SIAE: variants seen among roughly 807,000 people sequenced by gnomAD.
SIAE encodes the protein sialic acid acetylesterase.
In SIAE, 39 loss-of-function variants were observed where a neutral mutation model predicts 52.6. The observed-to-expected ratio is 0.74, with a 90% CI of 0.57 to 0.97. SIAE has a LOEUF of 0.97. Ranked by LOEUF, SIAE falls within the 50% of genes least tolerant of loss-of-function variation. The probability of loss-of-function intolerance (pLI) is 0.00; values close to 1 mark genes in which losing one functional copy is unlikely to be tolerated. For synonymous variants in SIAE, 233 were observed against 241.4 expected (o/e 0.97, Z 0.32); for missense variants, 592 against 662.1 (o/e 0.89, Z 1.16).
chr11:124,644,351 G>GAAAAAAAAAAAAAAAAAAAAAAAAAA (rs766691334), intron 7 of SIAE, among the ~76,000 whole-genome samples: 4 of 98,974 alleles, frequency 4.0e-5, no homozygotes, highest in Admixed American at 2.3e-4. Flanking sequence ...AGTCTGTGGT[G>GAAAAAAAAAAAAAAAAAAAAAAAAAA]AGAAAAAAAA....
In SIAE at chr11:124,660,697, A is replaced by C; in HGVS notation, c.336T>G (p.Val112=). ...AGACATCTCCAAACAGGACGTCATG[A>C]ACTCTCAGGGTGAAGTTTATTTTCT... ...TLEKINFTLR[V]HDVLFGDVWL... is the part of the protein sequence containing the mutation. Residue 112 remains valine (V), a synonymous_variant, in exon 3 of 10, where the codon GTT becomes GTG. Coordinates refer to ENST00000263593, the MANE Select transcript of SIAE (RefSeq NM_170601.5). 6.2e-7 allele frequency: 1 copy of C among 1,614,208 alleles called. No homozygotes were observed. The highest frequency in any genetic ancestry group is 1.3e-5 in the African/African-American group (1 of 75,060).
chr11:124,660,831 T>A (rs760001789), intron 2 of SIAE, 28 bp from the exon 3 acceptor site: 1 of 1,612,224 alleles, frequency 6.2e-7, no homozygotes, highest in Admixed American at 1.7e-5. Flanking sequence ...CTCCAAGGAA[T>A]TAATCAATCA....
chr11:124,638,877 GC>G, intron 8 of SIAE, 140 bp from the exon 9 acceptor site: 1 of 695,390 alleles, frequency 1.4e-6, no homozygotes, highest in Non-Finnish European at 2.5e-6. Flanking sequence ...TGGCTAGTCA[GC>G]TCAAGGGAAA....
At chr11:124,638,312 A>C (rs781387456) in intron 9 of SIAE, among the ~76,000 whole-genome samples, 8 of 152,248 alleles carry the variant, frequency 5.3e-5, no homozygotes, top group Non-Finnish European at 8.8e-5. Context: ...AAAATTTTTT[A>C]AAGTCCATTT....
At position 124,651,722 on chromosome 11, in the gene SIAE, C is replaced by T. The variant is rs182211072; in HGVS notation, c.545-1926G>A. Reference sequence around the variant, plus strand: ...CTCCCCGCCCCGCACCGTGCTTCCACGACACTCTGTGCATCGCTCCATCAC... The same window carrying T: ...CTCCCCGCCCCGCACCGTGCTTCCATGACACTCTGTGCATCGCTCCATCAC... On this transcript the variant is annotated intron_variant, in intron 4 of 9. Transcript: ENST00000263593. Among the ~76,000 whole-genome samples the T allele has an allele frequency of 2.6e-4, 39 of 152,356 alleles. 1 individual carries two copies. In the East Asian group the frequency reaches 3.5e-3, roughly 14 times the overall value.
At chr11:124,654,969 G>A (rs1167433424) in intron 3 of SIAE, among the ~76,000 whole-genome samples, 176 bp from the exon 4 acceptor site, 1 of 152,046 alleles carries the variant, frequency 6.6e-6, no homozygotes, top group Non-Finnish European at 1.5e-5. Context: ...AAAGAGACCA[G>A]GATGAATCAT....
At chr11:124,651,409 G>A (rs1943014250) in intron 4 of SIAE, among the ~76,000 whole-genome samples, 1 of 152,122 alleles carries the variant, frequency 6.6e-6, no homozygotes. Context: ...TTAGCTGGGT[G>A]TGGTGGCGCA....
intron 1 of SIAE, among the ~76,000 whole-genome samples, chr11:124,669,877 C>T (rs559553133): frequency 6.8e-4 from 103 of 152,284 alleles, no homozygotes; most frequent in African/African-American, 2.3e-3. Context: ...ATGCTCCTTT[C>T]ATGCACCTAT....
Position 124,636,066 on chromosome 11 carries a change from A to C in SIAE, c.*885T>G, listed in dbSNP as rs1315161524. 6.6e-6 allele frequency: 1 copy of C among 152,148 alleles called. No individual in the cohort carries two copies. Among genetic ancestry groups the C allele is most frequent in the Admixed American group, 6.5e-5 (1 of 15,272 alleles). 9.4% of individuals were successfully genotyped at this position (152,148 alleles called of 1,614,324 possible). A position where few individuals can be genotyped will look rare whatever the true frequency, so the allele number is the denominator to read the frequency against. On this transcript the variant is annotated 3_prime_UTR_variant, in exon 10 of 10. Coordinates refer to ENST00000263593, the MANE Select transcript of SIAE (RefSeq NM_170601.5). ...GAGATTTATATTTAACTCGAACAAC[A>C]GTTTGCCTCTGTTGCCCCTGTGTTC...
At chr11:124,641,625 C>T (rs1037297195) in intron 7 of SIAE, among the ~76,000 whole-genome samples, 11 of 152,090 alleles carry the variant, frequency 7.2e-5, no homozygotes, top group Non-Finnish European at 1.6e-4. Flanking sequence ...AGGACCATTT[C>T]AAAAGATTGT....
At chr11:124,656,097 G>A (rs529374784) in intron 3 of SIAE, among the ~76,000 whole-genome samples, 51 of 152,002 alleles carry the variant, frequency 3.4e-4, no homozygotes, top group African/African-American at 1.1e-3. Flanking sequence ...CTCGGGTCCC[G>A]TCCCCAAGAT....
chr11:124,675,657 G>T, upstream of SIAE: 1 of 379,192 alleles, frequency 2.6e-6, no homozygotes, highest in Non-Finnish European at 4.8e-6. Context: ...ATTTCTCACG[G>T]ACATACAGCG....
At chr11:124,673,799 T>G, upstream of SIAE, 1 of 1,455,278 alleles carries the variant, frequency 6.9e-7, no homozygotes. Flanking sequence ...ACTCCACCCT[T>G]TTGCAGTCCT....
rs1942990213 is a variant in SIAE at position 124,649,720 on chromosome 11, C to T, written c.621G>A (p.Leu207=). 2 of 1,614,158 alleles carry T rather than the reference C, an allele frequency of 1.2e-6. No individual in the cohort carries two copies. The highest frequency in any genetic ancestry group is 1.7e-6 in the Non-Finnish European group (2 of 1,180,030). Residue 207 remains leucine (L), a synonymous_variant, in exon 5 of 10, where the codon CTG becomes CTA. Transcript: ENST00000263593. ...WLFGRHLYDT[L]QYPIGLIASS... is the part of the protein sequence containing the mutation. ...AGGCGATCAGCCCGATGGGATACTG[C>T]AGAGTGTCATAAAGGTGACGTCCAA...
chr11:124,666,859 A>G (rs1429422081), intron 2 of SIAE, among the ~76,000 whole-genome samples: 1 of 152,218 alleles, frequency 6.6e-6, no homozygotes, highest in Non-Finnish European at 1.5e-5. Flanking sequence ...AAGATAAATG[A>G]GCAGCTTCAC....
intron 3 of SIAE, chr11:124,659,889 CATATT>C (rs1943161100): frequency 6.6e-6 from 1 of 152,282 alleles, no homozygotes; most frequent in East Asian, 1.9e-4. Flanking sequence ...AGTATACAAA[CATATT>C]GTATTTCATA....
chr11:124,648,651 G>A lies in SIAE; in HGVS notation c.723-476C>T, dbSNP rs985574886. On this transcript the variant is annotated intron_variant, in intron 5 of 9. Transcript: ENST00000263593. ...AAGATAAATTCCCAGAAATGAAACT[G>A]CTGTGTCAAAGGGCATCTTTTTTAA... Among the ~76,000 whole-genome samples the A allele has an allele frequency of 8.5e-5, 13 of 152,156 alleles. 1 individual carries two copies. The highest frequency in any genetic ancestry group is 2.4e-5 in the African/African-American group (1 of 41,426).
intron 1 of SIAE, among the ~76,000 whole-genome samples, chr11:124,673,384 AC>A (rs990053574): frequency 6.6e-6 from 1 of 152,164 alleles, no homozygotes; most frequent in South Asian, 2.1e-4. Context: ...CCCCACTCAG[AC>A]AAGCCGCACT....
chr11:124,660,763 C>T lies in SIAE; in HGVS notation c.270G>A (p.Lys90=). 1 of 1,614,200 alleles carries T rather than the reference C, an allele frequency of 6.2e-7. No individual in the cohort carries two copies. The highest frequency in any genetic ancestry group is 8.5e-7 in the Non-Finnish European group (1 of 1,180,034). The part of the protein sequence containing the change: ...DTWMVVLDPM[K]PGGPFEVMAQ... Reference sequence around the variant, plus strand: ...CCATCACTTCGAAAGGTCCTCCAGGCTTCATAGGATCCAGTACCACCATCC... The same window carrying T: ...CCATCACTTCGAAAGGTCCTCCAGGTTTCATAGGATCCAGTACCACCATCC... The change falls in exon 3 of 10, where the codon AAG becomes AAA. Residue 90 remains lysine, a synonymous_variant. Transcript: ENST00000263593.
Sources: allele counts gnomAD v4.1 joint callset (sites outside exome capture counted in the v4.1 genomes callset), GRCh38; gene constraint gnomAD v4.1.1; transcripts MANE v1.5; gene names NCBI Gene and HGNC (gene_info 2026-07-23, HGNC 2026-07-21).